RAC1: variants seen among roughly 807,000 people sequenced by gnomAD.
RAC1 encodes the protein ras-related C3 botulinum toxin substrate 1.
A neutral mutation model predicts 25.2 loss-of-function variants in RAC1; 2 were observed. The observed-to-expected ratio is 0.08, with a 90% CI of 0.03 to 0.25. RAC1 has a LOEUF of 0.25. Ranked by LOEUF, RAC1 falls within the 10% of genes least tolerant of loss-of-function variation. The pLI is 1.00. For missense variants in RAC1, 50 were observed against 235.7 expected, an observed-to-expected ratio of 0.21 and a Z score of 5.16; for synonymous variants, 88 against 94.0, an observed-to-expected ratio of 0.94 and a Z score of 0.37.
At chr7:6,395,245 C>T (rs1308339693) in intron 3 of RAC1, among the ~76,000 whole-genome samples, 1 of 152,164 alleles carries the variant, frequency 6.6e-6, no homozygotes, top group African/African-American at 2.4e-5. Context: ...GGATTACAGG[C>T]GTGAGCCACT....
chr7:6,401,218 A>G (rs1051125960), intron 4 of RAC1, among the ~76,000 whole-genome samples: 1 of 152,168 alleles, frequency 6.6e-6, no homozygotes, highest in Non-Finnish European at 1.5e-5. Flanking sequence ...AGACTCCCAG[A>G]GTGCTGGGAT....
chr7:6,387,348 G>T, intron 2 of RAC1, 65 bp downstream of exon 2: 3 of 1,210,152 alleles, frequency 2.5e-6, no homozygotes, highest in Non-Finnish European at 3.5e-6. Context: ...TTGACCATTT[G>T]TTTTGCTGTA....
chr7:6,374,990 C>G (rs1262514956), intron 1 of RAC1, among the ~76,000 whole-genome samples: 3 of 151,814 alleles, frequency 2.0e-5, no homozygotes, highest in South Asian at 4.1e-4. Flanking sequence ...GGAGGAGGGC[C>G]TCGCCGCTCG....
At chr7:6,388,028 A>T (rs1396994473) in intron 2 of RAC1, among the ~76,000 whole-genome samples, 1 of 152,130 alleles carries the variant, frequency 6.6e-6, no homozygotes, top group Non-Finnish European at 1.5e-5. Flanking sequence ...ATTGAGGTGT[A>T]GGGCTTTGGA....
At chr7:6,387,378 T>C (rs1782953288) in intron 2 of RAC1, 95 bp downstream of exon 2, 1 of 843,228 alleles carries the variant, frequency 1.2e-6, no homozygotes, top group Non-Finnish European at 1.9e-6. Flanking sequence ...TTAATCCTCA[T>C]ATGAACAGAT....
At chr7:6,395,209 G>A (rs1334953365) in intron 3 of RAC1, among the ~76,000 whole-genome samples, 6 of 151,990 alleles carry the variant, frequency 3.9e-5, no homozygotes, top group African/African-American at 1.4e-4. Flanking sequence ...CAGGTGATCC[G>A]CCTGCCTCTG....
At chr7:6,400,229 A>G (rs368908657) in intron 4 of RAC1, 41 bp downstream of exon 4, 2 of 1,503,550 alleles carry the variant, frequency 1.3e-6, no homozygotes, top group Non-Finnish European at 1.8e-6. Context: ...TTATAGAATG[A>G]TCCTCTCAGA....
chr7:6,387,674 A>C (rs1439237534), intron 2 of RAC1, among the ~76,000 whole-genome samples: 1 of 152,068 alleles, frequency 6.6e-6, no homozygotes, highest in Non-Finnish European at 1.5e-5. Context: ...GCAGTGAGCC[A>C]AGATCACGCC....
intron 3 of RAC1, among the ~76,000 whole-genome samples, chr7:6,394,943 C>G (rs1783189310): frequency 6.6e-6 from 1 of 152,164 alleles, no homozygotes; most frequent in South Asian, 2.1e-4. Context: ...CAAGCTTCAC[C>G]TCCTGGGTTC....
At chr7:6,397,475 A>G (rs1783277009) in intron 3 of RAC1, among the ~76,000 whole-genome samples, 1 of 151,566 alleles carries the variant, frequency 6.6e-6, no homozygotes, top group Non-Finnish European at 1.5e-5. Context: ...TTGTATTTTT[A>G]GTAGACACAG....
At position 6,390,872 on chromosome 7, in the gene RAC1, C is replaced by T. The variant is rs372456124; in HGVS notation, c.108-1052C>T. Among the ~76,000 whole-genome samples, 11 of 152,122 alleles carry T rather than the reference C, an allele frequency of 7.2e-5. No homozygotes were observed. In the South Asian group the frequency reaches 1.0e-3, roughly 14 times the overall value. On this transcript the variant is annotated intron_variant, in intron 2 of 5. Coordinates refer to ENST00000348035, the MANE Select transcript of RAC1 (RefSeq NM_006908.5). ...TCTTATGGAAATATAATTAACATGT[C>T]CATCACCATCACACCTTTTCTTTCT...
In RAC1 at chr7:6,403,107, TTC is replaced by T. The variant is rs1259998381; in HGVS notation, c.*663_*664del. 2.4e-5 allele frequency: 5 copies of T among 210,106 alleles called. No individual in the cohort carries two copies. The East Asian group carries it at 2.9e-4, about 12-fold the overall frequency. The allele number at this position is 210,106 out of a possible 1,614,324, so 13.0% of individuals were successfully genotyped here. On this transcript the variant is annotated 3_prime_UTR_variant, in exon 6 of 6. Coordinates refer to ENST00000348035, the MANE Select transcript of RAC1 (RefSeq NM_006908.5). ...AACTGCTATTTCCTCTAATGAAGAA[TTC>T]TGTTTAGCTGTGGGTGTGCCGGGTG...
In RAC1 at chr7:6,402,117, T is replaced by A. The variant is rs879191580; in HGVS notation, c.448+90T>A. On this transcript the variant is annotated intron_variant, in intron 5 of 5. Coordinates refer to ENST00000348035, the MANE Select transcript of RAC1 (RefSeq NM_006908.5). Reference sequence around the variant, plus strand: ...CCAGTCTGGGAAAGGAGGGTGTGTGTCTCCCACTCAGGGCCTGGTGTACTC... The same window carrying A: ...CCAGTCTGGGAAAGGAGGGTGTGTGACTCCCACTCAGGGCCTGGTGTACTC... The A allele has an allele frequency of 6.0e-6, 9 of 1,489,248 alleles. No homozygotes were observed. In the South Asian group the frequency reaches 1.1e-4, roughly 19 times the overall value. The allele number at this position is 1,489,248 out of a possible 1,614,324, so 92.3% of individuals were successfully genotyped here.
chr7:6,396,999 C>A (rs1458465223), intron 3 of RAC1, among the ~76,000 whole-genome samples: 7 of 148,998 alleles, frequency 4.7e-5, no homozygotes, highest in Non-Finnish European at 8.9e-5. Flanking sequence ...CCACTGCACT[C>A]CAGCCTGGGC....
At chr7:6,398,598 T>C in intron 3 of RAC1, 1 of 1,367,432 alleles carries the variant, frequency 7.3e-7, no homozygotes, top group Non-Finnish European at 1.0e-6. Context: ...CGATAAGAGG[T>C]TATATTGATT....
At chr7:6,396,352 G>T (rs1783234442) in intron 3 of RAC1, among the ~76,000 whole-genome samples, 1 of 152,144 alleles carries the variant, frequency 6.6e-6, no homozygotes, top group African/African-American at 2.4e-5. Flanking sequence ...AGCGACGGCC[G>T]GGAGGAGGGG....
chr7:6,382,514 TA>T (rs1471155215), intron 1 of RAC1, among the ~76,000 whole-genome samples: 1 of 152,192 alleles, frequency 6.6e-6, no homozygotes, highest in African/African-American at 2.4e-5. Flanking sequence ...AGTTTTGGTT[TA>T]TAGATTTCAG....
At chr7:6,375,767 G>A (rs1179468488) in intron 1 of RAC1, 1 of 151,618 alleles carries the variant, frequency 6.6e-6, no homozygotes, top group Non-Finnish European at 1.5e-5. Context: ...GGCCCCCTGT[G>A]ACTCCAGGCA....
chr7:6,380,765 C>T (rs1232245652), intron 1 of RAC1, among the ~76,000 whole-genome samples: 1 of 152,192 alleles, frequency 6.6e-6, no homozygotes, highest in Non-Finnish European at 1.5e-5. Context: ...CAGTATTTTG[C>T]TCTACTTGTT....
Sources: allele counts gnomAD v4.1 joint callset (sites outside exome capture counted in the v4.1 genomes callset), GRCh38; gene constraint gnomAD v4.1.1; transcripts MANE v1.5; gene names NCBI Gene and HGNC (gene_info 2026-07-23, HGNC 2026-07-21).